The following SLC35A3 variants were observed in gnomAD, a reference collection of about 807,000 sequenced individuals.
The protein encoded by SLC35A3 is solute carrier family 35 member A3.
Under a neutral mutation model 39.0 loss-of-function variants are expected in SLC35A3, and 26 were observed. The ratio of observed to expected loss-of-function variants is 0.67; its 90% CI spans 0.49 to 0.92. The LOEUF is 0.92. Among genes scored for constraint, SLC35A3 ranks in the 40% least tolerant of loss-of-function variants. SLC35A3 has a pLI of 0.00. For synonymous variants in SLC35A3, 135 were observed against 133.1 expected (o/e 1.01, Z -0.10); for missense variants, 299 against 371.6 (o/e 0.80, Z 1.61).
At chr1:99,990,981 T>G (rs1658047761) in intron 1 of SLC35A3, among the ~76,000 whole-genome samples, 1 of 152,214 alleles carries the variant, frequency 6.6e-6, no homozygotes, top group South Asian at 2.1e-4. Flanking sequence ...ACTCTCATCT[T>G]GGACTTCCAG....
intron 5 of SLC35A3, among the ~76,000 whole-genome samples, chr1:100,015,031 G>A (rs1030992088): frequency 6.6e-6 from 1 of 151,696 alleles, no homozygotes; most frequent in Non-Finnish European, 1.5e-5. Context: ...GGTGGCACGC[G>A]CCTGTAGTCC....
chr1:100,009,194 C>T (rs945806745), intron 4 of SLC35A3: 2 of 152,060 alleles, frequency 1.3e-5, no homozygotes, highest in African/African-American at 2.4e-5. Context: ...TATTGAAGCT[C>T]AGAGAGGTTA....
chr1:100,017,878 G>T, intron 7 of SLC35A3, 63 bp downstream of exon 7: 2 of 991,532 alleles, frequency 2.0e-6, no homozygotes, highest in East Asian at 2.9e-5. Context: ...AGAATTCTTT[G>T]TAAGGTGATC....
intron 1 of SLC35A3, among the ~76,000 whole-genome samples, chr1:99,990,597 CATAGATCTCATT>C (rs1312737908): frequency 6.6e-6 from 1 of 152,054 alleles, no homozygotes; most frequent in Non-Finnish European, 1.5e-5. Flanking sequence ...AATAAAAATA[CATAGATCTCATT>C]ATTCCAGTCC....
At position 100,030,407 on chromosome 1, in the gene SLC35A3, A is replaced by C. The variant is rs903029530; in HGVS notation, c.*7931A>C. ...GTCCAACGCGCGGCCTGCAGGCTGC[A>C]TGCAGCCCAGGATGGCTTTGAATGT... On this transcript the variant is annotated 3_prime_UTR_variant, in exon 8 of 8. Coordinates refer to ENST00000533028, the MANE Select transcript of SLC35A3 (RefSeq NM_012243.3). 27 of 152,250 alleles carry C rather than the reference A, an allele frequency of 1.8e-4. No individual in the cohort carries two copies. Among genetic ancestry groups the C allele is most frequent in the Admixed American group, 4.6e-4 (7 of 15,284 alleles). 9.4% of individuals were successfully genotyped at this position (152,250 alleles called of 1,614,324 possible).
chr1:99,973,753 A>C (rs1221722029), intron 1 of SLC35A3, among the ~76,000 whole-genome samples: 1 of 152,224 alleles, frequency 6.6e-6, no homozygotes, highest in East Asian at 1.9e-4. Flanking sequence ...GTGGTGGCTC[A>C]TGCCTGTAAT....
At chr1:99,973,652 C>T (rs112861128) in intron 1 of SLC35A3, among the ~76,000 whole-genome samples, 11 of 152,212 alleles carry the variant, frequency 7.2e-5, no homozygotes, top group Admixed American at 2.6e-4. Context: ...AGTTGCTGTA[C>T]TTAGAGATAA....
chr1:99,971,037 G>T (rs1183513202), intron 1 of SLC35A3, among the ~76,000 whole-genome samples: 1 of 151,978 alleles, frequency 6.6e-6, no homozygotes, highest in East Asian at 1.9e-4. Context: ...CTTCTTACTT[G>T]CACTATAGCA....
intron 1 of SLC35A3, among the ~76,000 whole-genome samples, chr1:99,988,468 CAAAT>C (rs1221680709): frequency 2.0e-4 from 30 of 152,064 alleles, no homozygotes; most frequent in Admixed American, 1.9e-3. Flanking sequence ...TCTGATTTTA[CAAAT>C]AAATCTCTTA....
intron 3 of SLC35A3, among the ~76,000 whole-genome samples, chr1:100,003,174 G>C (rs555053012): frequency 6.6e-6 from 1 of 151,870 alleles, no homozygotes; most frequent in African/African-American, 2.4e-5. Flanking sequence ...CCAGCACGTC[G>C]GGAGGCCAAG....
chr1:99,989,619 G>A (rs1657957918), intron 1 of SLC35A3, among the ~76,000 whole-genome samples: 1 of 152,030 alleles, frequency 6.6e-6, no homozygotes, highest in South Asian at 2.1e-4. Context: ...AAATTGGATT[G>A]TCGGTCTTTG....
In SLC35A3 at chr1:99,993,722, A is replaced by G; in HGVS notation, c.168A>G (p.Leu56=). 3.7e-6 allele frequency: 6 copies of G among 1,613,956 alleles called. No individual in the cohort carries two copies. The highest frequency in any genetic ancestry group is 1.1e-5 in the South Asian group (1 of 91,056). The part of the protein sequence containing the change: ...AELLKIMACI[L]LVYKDSKCSL... ...TTTTGAAGATAATGGCCTGCATTTT[A>G]TTGGTCTACAAAGACAGCAGTAGGT... Residue 56 remains leucine, a synonymous_variant, in exon 2 of 8, where the codon TTA becomes TTG. Transcript: ENST00000533028.
At position 99,999,895 on chromosome 1, in the gene SLC35A3, G is replaced by T. The variant is rs530074965; in HGVS notation, c.342+480G>T. The stretch of plus-strand genomic sequence containing the variant: ...CCTGGGTTGTTTCACTTAACATAAT[G>T]ACCTCTAGTTGCATCCATGTTGTTG... On this transcript the variant is annotated intron_variant, in intron 3 of 7. Coordinates refer to ENST00000533028, the MANE Select transcript of SLC35A3 (RefSeq NM_012243.3). Among the ~76,000 whole-genome samples the T allele has an allele frequency of 2.0e-5, 3 of 151,606 alleles. No homozygotes were observed. The South Asian group carries it at 6.3e-4, about 32-fold the overall frequency.
At chr1:99,976,554 A>C (rs1287681770) in intron 1 of SLC35A3, among the ~76,000 whole-genome samples, 1 of 152,228 alleles carries the variant, frequency 6.6e-6, no homozygotes, top group South Asian at 2.1e-4. Context: ...AAGACATAGA[A>C]TCAATCTAGA....
chr1:99,997,410 TTATATATATATA>T lies in SLC35A3; in HGVS notation c.188-1815_188-1804del, dbSNP rs71970416. On this transcript the variant is annotated intron_variant, in intron 2 of 7. Transcript: ENST00000533028. ...ACAGTTATATGTTTTATATATAGTT[TTATATATATATA>T]TATATATATATATATATATATATAT... is the stretch of plus-strand genomic sequence containing the variant. Among the ~76,000 whole-genome samples, 730 of 92,048 alleles carry T rather than the reference TTATATATATATA, an allele frequency of 7.9e-3. 15 individuals are homozygous for T. Among genetic ancestry groups the T allele is most frequent in the African/African-American group, 0.033 (606 of 18,618 alleles). The allele number at this position is 92,048 out of a possible 152,430, so 60.4% of individuals were successfully genotyped here. A position where few individuals can be genotyped will look rare whatever the true frequency, so the allele number is the denominator to read the frequency against.
In SLC35A3 at chr1:100,006,731, T is replaced by G. The variant is rs551661463; in HGVS notation, c.343-303T>G. ...TACCCAGGCCCCTAGATTGCATGCTTGTGTATCTGCAAGAGTGGCAGTGGC... is the reference window on the plus strand; with the variant it reads ...TACCCAGGCCCCTAGATTGCATGCTGGTGTATCTGCAAGAGTGGCAGTGGC... On this transcript the variant is annotated intron_variant, in intron 3 of 7. Transcript: ENST00000533028. Among the ~76,000 whole-genome samples the G allele has an allele frequency of 2.9e-3, 442 of 152,332 alleles. 3 individuals are homozygous for G. Among genetic ancestry groups the G allele is most frequent in the African/African-American group, 0.01 (427 of 41,578 alleles).
intron 1 of SLC35A3, among the ~76,000 whole-genome samples, chr1:99,983,288 C>T (rs1163822628): frequency 1.3e-5 from 2 of 152,080 alleles, no homozygotes; most frequent in East Asian, 1.9e-4. Flanking sequence ...TGCCTGTAAT[C>T]CCAGCACTTT....
At chr1:99,977,829 G>A (rs553230529) in intron 1 of SLC35A3, among the ~76,000 whole-genome samples, 32 of 152,288 alleles carry the variant, frequency 2.1e-4, no homozygotes, top group African/African-American at 7.5e-4. Flanking sequence ...GTGAGACACC[G>A]TGCCTGGCCC....
At chr1:99,999,451 CT>C (rs774935375) in intron 3 of SLC35A3, 36 bp downstream of exon 3, 1 of 1,445,534 alleles carries the variant, frequency 6.9e-7, no homozygotes, top group Non-Finnish European at 9.4e-7. Flanking sequence ...TTTAAAAAAA[CT>C]TTTTTCTTAT....
Sources: allele counts gnomAD v4.1 joint callset (sites outside exome capture counted in the v4.1 genomes callset), GRCh38; gene constraint gnomAD v4.1.1; transcripts MANE v1.5; gene names NCBI Gene and HGNC (gene_info 2026-07-23, HGNC 2026-07-21).